The following SSBP3 variants were observed in gnomAD, a reference collection of about 807,000 sequenced individuals.
The protein encoded by SSBP3 is single-stranded DNA-binding protein 3.
A neutral mutation model predicts 69.6 loss-of-function variants in SSBP3; 5 were observed. The ratio of observed to expected loss-of-function variants is 0.07; its 90% CI spans 0.04 to 0.15. SSBP3 has a LOEUF of 0.15. SSBP3 is among the 10% of genes least tolerant of loss of function. The pLI is 1.00. For synonymous variants in SSBP3, 196 were observed against 193.4 expected (o/e 1.01, Z -0.11); for missense variants, 312 against 534.0 (o/e 0.58, Z 4.10).
chr1:54,258,245 G>A lies in SSBP3; in HGVS notation c.367-96C>T. 9.4e-7 allele frequency: 1 copy of A among 1,059,134 alleles called. No individual in the cohort carries two copies. The highest frequency in any genetic ancestry group is 1.3e-6 in the Non-Finnish European group (1 of 783,406). 65.6% of individuals were successfully genotyped at this position (1,059,134 alleles called of 1,614,324 possible). On this transcript the variant is annotated intron_variant, in intron 5 of 17. Transcript: ENST00000610401. This position sits in a 1 kb window ranked among gnomAD's most constrained non-coding sequence, Gnocchi z 4.5. Reference sequence around the variant, plus strand: ...AACAAAAATTAAACCAAAACGAAGGGTGGGCGGCGGGCGTGCGGGGGGGTG... The same window carrying A: ...AACAAAAATTAAACCAAAACGAAGGATGGGCGGCGGGCGTGCGGGGGGGTG...
At chr1:54,294,159 A>AAAAAAAAGAAAG (rs754650225) in intron 4 of SSBP3, among the ~76,000 whole-genome samples, 3 of 86,164 alleles carry the variant, frequency 3.5e-5, no homozygotes, top group African/African-American at 4.1e-5. Context: ...AAAAAAAAAA[A>AAAAAAAAGAAAG]AAAGAAAGAA....
At chr1:54,335,405 G>GA (rs1229877000) in intron 4 of SSBP3, among the ~76,000 whole-genome samples, 1 of 152,178 alleles carries the variant, frequency 6.6e-6, no homozygotes, top group Non-Finnish European at 1.5e-5. Flanking sequence ...AGTGTGCAAA[G>GA]AAAAAGGAGA....
At chr1:54,294,183 GAAAGAAAGA>G (rs1490752022) in intron 4 of SSBP3, among the ~76,000 whole-genome samples, 2 of 101,904 alleles carry the variant, frequency 2.0e-5, no homozygotes, top group African/African-American at 3.7e-5. Flanking sequence ...AAGAAAGAAA[GAAAGAAAGA>G]AAAGAAAAAA....
chr1:54,372,729 G>C (rs1376928195), intron 4 of SSBP3, among the ~76,000 whole-genome samples: 1 of 152,186 alleles, frequency 6.6e-6, no homozygotes, highest in Admixed American at 6.5e-5. Context: ...AGGAGCATCA[G>C]GCATGGGGCT....
chr1:54,409,469 T>C (rs183523701), upstream of SSBP3, among the ~76,000 whole-genome samples: 61 of 151,984 alleles, frequency 4.0e-4, no homozygotes, highest in African/African-American at 1.5e-3. Context: ...CCTGTGTATG[T>C]TAACACTCAG....
intron 4 of SSBP3, among the ~76,000 whole-genome samples, chr1:54,342,072 C>T (rs1646618392): frequency 6.6e-6 from 1 of 152,186 alleles, no homozygotes; most frequent in South Asian, 2.1e-4. Context: ...AGAGGGATTT[C>T]CTGGAATGTC....
At chr1:54,227,113 G>A (rs757500699) in exon 18 of SSBP3, 29 of 1,569,642 alleles carry the variant, frequency 1.8e-5, no homozygotes, top group South Asian at 3.3e-5. Context: ...CTCTCTCAGC[G>A]TCTCGGAGAA....
chr1:54,270,033 T>G (rs145338283), intron 5 of SSBP3, among the ~76,000 whole-genome samples: 1,609 of 152,312 alleles, frequency 0.011, 20 homozygotes, highest in Non-Finnish European at 0.017. Flanking sequence ...GAATGTATGC[T>G]GAAGGAAGGA....
rs532106924 is a variant in SSBP3 at position 54,361,276 on chromosome 1, T to C, written c.276+40585A>G. Among the ~76,000 whole-genome samples, 15 of 152,272 alleles carry C rather than the reference T, an allele frequency of 9.9e-5. No individual in the cohort carries two copies. In the South Asian group the frequency reaches 2.9e-3, roughly 29 times the overall value. On this transcript the variant is annotated intron_variant, in intron 4 of 17. Coordinates refer to ENST00000610401, the Ensembl canonical transcript of SSBP3. ...TCAAGACCAGTTCACAAGATAACGT[T>C]TTATGAAAATTCACATCCTGTAACC...
intron 5 of SSBP3, among the ~76,000 whole-genome samples, chr1:54,279,336 A>G (rs1420779564): frequency 6.6e-6 from 1 of 152,340 alleles, no homozygotes; most frequent in African/African-American, 2.4e-5. Context: ...CAAACGTCAC[A>G]GGGGAGGGCC....
At chr1:54,302,815 A>T (rs1350382888) in intron 4 of SSBP3, among the ~76,000 whole-genome samples, 3 of 152,184 alleles carry the variant, frequency 2.0e-5, no homozygotes, top group Non-Finnish European at 4.4e-5. Flanking sequence ...GACAGGAGGG[A>T]GTATGACTTG....
chr1:54,335,623 C>T (rs549601530), intron 4 of SSBP3, among the ~76,000 whole-genome samples: 1 of 152,300 alleles, frequency 6.6e-6, no homozygotes, highest in African/African-American at 2.4e-5. Context: ...GTCTATCTCC[C>T]CGGTGCCCAA....
chr1:54,317,823 T>C (rs1049962637), intron 4 of SSBP3, among the ~76,000 whole-genome samples: 1 of 152,172 alleles, frequency 6.6e-6, no homozygotes, highest in Non-Finnish European at 1.5e-5. Context: ...TGGAGTGCAA[T>C]GGTGCGATTT....
At chr1:54,259,060 C>A (rs960803595) in intron 5 of SSBP3, among the ~76,000 whole-genome samples, 1 of 152,056 alleles carries the variant, frequency 6.6e-6, no homozygotes, top group Admixed American at 6.5e-5. Flanking sequence ...AGGGTGGGGA[C>A]CCCGGACTGC....
chr1:54,325,888 T>C (rs1211894173), intron 4 of SSBP3, among the ~76,000 whole-genome samples: 1 of 152,104 alleles, frequency 6.6e-6, no homozygotes, highest in Non-Finnish European at 1.5e-5. Flanking sequence ...GCAAAGATAA[T>C]CAAAGGGAAA....
chr1:54,315,166 C>T (rs1015384549), intron 4 of SSBP3, among the ~76,000 whole-genome samples: 2 of 152,182 alleles, frequency 1.3e-5, no homozygotes, highest in African/African-American at 4.8e-5. Context: ...CGGAGCCTCC[C>T]TGTACAGATC....
intron 4 of SSBP3, among the ~76,000 whole-genome samples, chr1:54,294,451 G>C (rs2100967915): frequency 6.6e-6 from 1 of 152,172 alleles, no homozygotes; most frequent in African/African-American, 2.4e-5. Context: ...AATCACCCTT[G>C]TATCACCCCC....
chr1:54,243,199 G>C, intron 10 of SSBP3, 36 bp downstream of exon 10: 3 of 1,603,074 alleles, frequency 1.9e-6, no homozygotes, highest in Non-Finnish European at 2.6e-6. Flanking sequence ...GGAAGACCTG[G>C]ACTCTGAGCC....
At chr1:54,342,188 C>A (rs560136687) in intron 4 of SSBP3, among the ~76,000 whole-genome samples, 1 of 152,376 alleles carries the variant, frequency 6.6e-6, no homozygotes, top group South Asian at 2.1e-4. Context: ...GCATCCAGGT[C>A]TGGAACTGGA....
Sources: allele counts gnomAD v4.1 joint callset (sites outside exome capture counted in the v4.1 genomes callset), GRCh38; gene constraint gnomAD v4.1.1; non-coding constraint Gnocchi (gnomAD v3.1); transcripts MANE v1.5; gene names NCBI Gene and HGNC (gene_info 2026-07-23, HGNC 2026-07-21).